Variants in SGCZ observed in about 807,000 individuals in gnomAD.
The protein encoded by SGCZ is zeta-sarcoglycan.
Under a neutral mutation model 41.3 loss-of-function variants are expected in SGCZ, and 40 were observed. That is an observed-to-expected ratio of 0.97 (90% confidence interval 0.75 to 1.26). The LOEUF (loss-of-function observed/expected upper bound fraction) is 1.26. SGCZ is among the 50% of genes most tolerant of loss of function. The probability of loss-of-function intolerance (pLI) is 0.00; values close to 1 mark genes in which losing one functional copy is unlikely to be tolerated. For missense variants in SGCZ, 552 were observed against 369.8 expected, an observed-to-expected ratio of 1.49 and a Z score of -4.04; for synonymous variants, 206 against 137.5, an observed-to-expected ratio of 1.50 and a Z score of -3.49.
At chr8:14,157,604 A>T (rs1803916913) in intron 5 of SGCZ, among the ~76,000 whole-genome samples, 2 of 152,008 alleles carry the variant, frequency 1.3e-5, no homozygotes, top group Non-Finnish European at 2.9e-5. Context: ...ATAAAAAAAA[A>T]ACATGGTCAG....
At chr8:14,747,705 T>TTG (rs59524830) in intron 1 of SGCZ, among the ~76,000 whole-genome samples, 14,243 of 136,430 alleles carry the variant, frequency 0.1, 749 homozygotes, top group Middle Eastern at 0.14. Context: ...GTGTGTGTAT[T>TTG]TGTGTGTGTG....
At chr8:14,466,692 C>A (rs1388309133) in intron 2 of SGCZ, among the ~76,000 whole-genome samples, 1 of 151,704 alleles carries the variant, frequency 6.6e-6, no homozygotes, top group African/African-American at 2.4e-5. Context: ...ACTGTCCTGT[C>A]TTCTAGTTTG....
At chr8:14,710,369 C>CAAAAAAAAAAAAA (rs770994264) in intron 1 of SGCZ, among the ~76,000 whole-genome samples, 6 of 92,432 alleles carry the variant, frequency 6.5e-5, no homozygotes, top group South Asian at 4.2e-4. Flanking sequence ...GACTCCGCAT[C>CAAAAAAAAAAAAA]AAAAAAAAAA....
At chr8:14,268,966 G>C (rs1799967917) in intron 3 of SGCZ, among the ~76,000 whole-genome samples, 1 of 151,374 alleles carries the variant, frequency 6.6e-6, no homozygotes, top group African/African-American at 2.4e-5. Flanking sequence ...GCCATTACAG[G>C]CTAGCAGAAT....
intron 1 of SGCZ, among the ~76,000 whole-genome samples, chr8:15,026,530 T>C (rs1803462751): frequency 6.6e-6 from 1 of 152,216 alleles, no homozygotes; most frequent in Admixed American, 6.5e-5. Flanking sequence ...AATGCATTGA[T>C]TCCCATTTTT....
intron 5 of SGCZ, chr8:14,162,601 T>G (rs1214902389): frequency 6.6e-6 from 1 of 152,276 alleles, no homozygotes; most frequent in African/African-American, 2.4e-5. Context: ...AAGGTCAATC[T>G]GTACCCTCCG....
intron 5 of SGCZ, among the ~76,000 whole-genome samples, chr8:14,155,853 C>T (rs750008850): frequency 1.3e-5 from 2 of 152,044 alleles, no homozygotes; most frequent in Admixed American, 6.6e-5. Flanking sequence ...ACCTGACAAA[C>T]CTAGGCTAAG....
At chr8:14,092,995 C>CT in intron 7 of SGCZ, among the ~76,000 whole-genome samples, 1 of 151,938 alleles carries the variant, frequency 6.6e-6, no homozygotes, top group East Asian at 1.9e-4. Context: ...GGACTCACCA[C>CT]TTTGAGAGAC....
chr8:14,414,981 A>C (rs550131413), intron 2 of SGCZ, among the ~76,000 whole-genome samples: 8 of 152,044 alleles, frequency 5.3e-5, no homozygotes, highest in African/African-American at 1.4e-4. Context: ...TTCTTAGTTC[A>C]TTTAATAATA....
chr8:15,000,649 C>A (rs1802385118), intron 1 of SGCZ, among the ~76,000 whole-genome samples: 2 of 152,124 alleles, frequency 1.3e-5, no homozygotes, highest in Admixed American at 1.3e-4. Context: ...GATGGCACCG[C>A]TCAACTGGAA....
At chr8:15,116,441 T>A (rs1184556081) in intron 1 of SGCZ, among the ~76,000 whole-genome samples, 2 of 152,164 alleles carry the variant, frequency 1.3e-5, no homozygotes, top group Admixed American at 1.3e-4. Context: ...TATATCCCAA[T>A]GAGAAGTGAG....
chr8:14,936,943 T>C (rs1306837208), intron 1 of SGCZ, among the ~76,000 whole-genome samples: 1 of 151,598 alleles, frequency 6.6e-6, no homozygotes, highest in African/African-American at 2.4e-5. Flanking sequence ...ATTGGAAAAA[T>C]AAATCCTAAA....
chr8:14,128,534 G>A (rs939679033), intron 5 of SGCZ, among the ~76,000 whole-genome samples: 5 of 152,098 alleles, frequency 3.3e-5, no homozygotes, highest in African/African-American at 7.2e-5. Context: ...CTTCAGTCCA[G>A]CAATTCCAGT....
chr8:14,747,262 G>A (rs983816761), intron 1 of SGCZ, among the ~76,000 whole-genome samples: 6 of 152,112 alleles, frequency 3.9e-5, no homozygotes, highest in East Asian at 1.9e-4. Flanking sequence ...TACCCATCTC[G>A]TCTCCTGTCC....
At chr8:14,275,642 G>A (rs139392456) in intron 3 of SGCZ, among the ~76,000 whole-genome samples, 1 of 152,274 alleles carries the variant, frequency 6.6e-6, no homozygotes, top group African/African-American at 2.4e-5. Context: ...CACTGCACCA[G>A]CTTACGGACA....
intron 1 of SGCZ, among the ~76,000 whole-genome samples, chr8:15,014,160 A>G (rs1486377470): frequency 6.6e-6 from 1 of 152,226 alleles, no homozygotes; most frequent in Non-Finnish European, 1.5e-5. Context: ...TGCACTGAAA[A>G]CAAGCCTGGA....
In SGCZ at chr8:14,621,720, T is replaced by C. The variant is rs566477320; in HGVS notation, c.40-66794A>G. Among the ~76,000 whole-genome samples, 192 of 151,964 alleles carry C rather than the reference T, an allele frequency of 1.3e-3. 3 individuals carry two copies. Among genetic ancestry groups the C allele is most frequent in the African/African-American group, 3.9e-3 (162 of 41,470 alleles). On this transcript the variant is annotated intron_variant, in intron 1 of 7. Coordinates refer to ENST00000382080, the MANE Select transcript of SGCZ (RefSeq NM_139167.4). ...ACCAGCAGATCTCTTAAACACTCAG[T>C]CAGTATCAGGAAGACAGCATGGGGG...
In SGCZ at chr8:14,291,680, C is replaced by CAT. The variant is rs33987867; in HGVS notation, c.336+32421_336+32422dup. 6.0e-3 allele frequency among the ~76,000 whole-genome samples: 908 copies of CAT among 151,764 alleles called. 9 individuals are homozygous for CAT. Among genetic ancestry groups the CAT allele is most frequent in the African/African-American group, 0.02 (826 of 41,424 alleles). On this transcript the variant is annotated intron_variant, in intron 3 of 7. Transcript: ENST00000382080. Reference sequence around the variant, plus strand: ...AAAGTTCTTATTCTTTATTCGGAAACATATATATATATGTATTCTTTTACT... The same window carrying CAT: ...AAAGTTCTTATTCTTTATTCGGAAACATATATATATATATGTATTCTTTTACT...
chr8:14,309,575 A>C, intron 3 of SGCZ: 1 of 1,610,850 alleles, frequency 6.2e-7, no homozygotes, highest in Non-Finnish European at 8.5e-7. Flanking sequence ...ATAACAAGGA[A>C]AGGTTAGGAC....
Sources: allele counts gnomAD v4.1 joint callset (sites outside exome capture counted in the v4.1 genomes callset), GRCh38; gene constraint gnomAD v4.1.1; transcripts MANE v1.5; gene names NCBI Gene and HGNC (gene_info 2026-07-23, HGNC 2026-07-21).